The following USP28 variants were observed in gnomAD, a reference collection of about 807,000 sequenced individuals.
The protein encoded by USP28 is ubiquitin carboxyl-terminal hydrolase 28.
USP28 carries 113 observed loss-of-function variants against 145.0 expected under a neutral mutation model. That is an observed-to-expected ratio of 0.78 (90% CI 0.67 to 0.91). The LOEUF (loss-of-function observed/expected upper bound fraction) is 0.91, where lower values mean the gene tolerates loss of function less well. Among genes scored for constraint, USP28 ranks in the 40% least tolerant of loss-of-function variants. The pLI, the probability that USP28 is intolerant of heterozygous loss-of-function variation, is 0.00. For missense variants in USP28, 1,201 were observed against 1,289.6 expected, an observed-to-expected ratio of 0.93 and a Z score of 1.05; for synonymous variants, 447 against 450.9, an observed-to-expected ratio of 0.99 and a Z score of 0.11.
chr11:113,832,213 G>A (rs144510871), intron 7 of USP28, among the ~76,000 whole-genome samples: 3 of 152,140 alleles, frequency 2.0e-5, no homozygotes, highest in African/African-American at 4.8e-5. Flanking sequence ...AGATTCAAGC[G>A]ATTCTCCTGC....
chr11:113,832,742 G>C (rs1397948404), intron 7 of USP28, among the ~76,000 whole-genome samples: 2 of 151,684 alleles, frequency 1.3e-5, no homozygotes, highest in Non-Finnish European at 2.9e-5. Flanking sequence ...GGAAGAAGAT[G>C]ATCTAATTAG....
At chr11:113,865,219 T>A (rs766790106) in intron 1 of USP28, among the ~76,000 whole-genome samples, 1 of 152,168 alleles carries the variant, frequency 6.6e-6, no homozygotes, top group Non-Finnish European at 1.5e-5. Flanking sequence ...AAAATTCCAA[T>A]GGTCCTTTGT....
At chr11:113,848,583 A>G (rs896452282) in intron 3 of USP28, among the ~76,000 whole-genome samples, 1 of 152,234 alleles carries the variant, frequency 6.6e-6, no homozygotes, top group Non-Finnish European at 1.5e-5. Context: ...GGCTATACTT[A>G]GGAAAGTAAG....
chr11:113,860,750 C>T (rs1265387356), intron 1 of USP28, among the ~76,000 whole-genome samples: 9 of 146,636 alleles, frequency 6.1e-5, no homozygotes, highest in South Asian at 2.2e-4. Flanking sequence ...ACCTGGGAGG[C>T]GGAGCTTGAA....
rs1331416567 is a variant in USP28 at position 113,827,300 on chromosome 11, G to A, written c.1120C>T (p.Gln374Ter). ...ATTTTCTCTGGCTGCCCAAGGGACT[G>A]ATTAAACTCAAATCTTGAGAGTTCA... The change falls in exon 11 of 25, where the codon CAG becomes TAG. Residue 374 changes from glutamine to a stop codon, truncating the protein, a stop_gained. Transcript: ENST00000003302. LOFTEE classifies it high-confidence loss of function. 2 of 1,613,070 alleles carry A rather than the reference G, an allele frequency of 1.2e-6. No individual in the cohort carries two copies. Among genetic ancestry groups the A allele is most frequent in the Non-Finnish European group, 1.7e-6 (2 of 1,179,546 alleles).
intron 1 of USP28, chr11:113,874,427 A>G (rs1949165528): frequency 1.2e-5 from 10 of 815,570 alleles, no homozygotes; most frequent in East Asian, 7.4e-5. Flanking sequence ...TCTGTCGAAA[A>G]AAAAAAAAAA....
chr11:113,849,205 C>T (rs75816722), intron 3 of USP28, among the ~76,000 whole-genome samples: 18,094 of 152,090 alleles, frequency 0.12, 1,074 homozygotes, highest in Middle Eastern at 0.17. Flanking sequence ...AGCCTCTTTT[C>T]CCCTAGGACT....
Position 113,815,054 on chromosome 11 carries a change from C to T in USP28, c.1672+120G>A, listed in dbSNP as rs1011424666. The stretch of plus-strand genomic sequence containing the variant: ...GTGATAGAGTGAGACTCCATCTCGG[C>T]GGGGGGGAAATTCTGTAGCATGTAC... On this transcript the variant is annotated intron_variant, in intron 14 of 24. Transcript: ENST00000003302. The T allele has an allele frequency of 1.7e-4, 149 of 878,808 alleles. 1 individual carries two copies. Among genetic ancestry groups the T allele is most frequent in the South Asian group, 3.7e-4 (21 of 56,668 alleles). The allele number at this position is 878,808 out of a possible 1,614,324, so 54.4% of individuals were successfully genotyped here.
At chr11:113,817,608 T>TGG (rs748842249) in intron 13 of USP28, 50 bp downstream of exon 13, 5 of 1,586,696 alleles carry the variant, frequency 3.2e-6, no homozygotes, top group Non-Finnish European at 4.3e-6. Context: ...ATAGTTTAAA[T>TGG]TATACCAGAA....
intron 1 of USP28, among the ~76,000 whole-genome samples, chr11:113,873,964 A>T (rs1189721336): frequency 6.8e-6 from 1 of 146,928 alleles, no homozygotes; most frequent in African/African-American, 2.5e-5. Flanking sequence ...AACACAGTGA[A>T]ATCCCATCTC....
chr11:113,826,796 G>A, intron 11 of USP28, among the ~76,000 whole-genome samples: 1 of 151,666 alleles, frequency 6.6e-6, no homozygotes, highest in East Asian at 2.0e-4. Context: ...GTGCATGCCT[G>A]TAATTCCAGC....
At chr11:113,860,910 A>G (rs889715559) in intron 1 of USP28, among the ~76,000 whole-genome samples, 33 of 152,088 alleles carry the variant, frequency 2.2e-4, no homozygotes, top group African/African-American at 6.0e-4. Flanking sequence ...CGAGGTCAGG[A>G]GCCCGAGGCC....
intron 9 of USP28, among the ~76,000 whole-genome samples, chr11:113,830,556 T>C (rs1171511895): frequency 3.3e-5 from 5 of 152,246 alleles, no homozygotes; most frequent in Non-Finnish European, 1.5e-5. Flanking sequence ...TTAAGTATTA[T>C]ATTAGAATAA....
At chr11:113,799,112 T>C in exon 25 of USP28, 1 of 1,017,086 alleles carries the variant, frequency 9.8e-7, no homozygotes, top group Non-Finnish European at 1.4e-6. Context: ...ACATGCAGCA[T>C]GGTTGGGGTC....
chr11:113,860,563 G>A (rs560746787), intron 1 of USP28, among the ~76,000 whole-genome samples: 25 of 152,188 alleles, frequency 1.6e-4, no homozygotes, highest in African/African-American at 5.8e-4. Context: ...TGTGATCCCA[G>A]CACTTTGGAA....
intron 7 of USP28, among the ~76,000 whole-genome samples, chr11:113,832,707 T>G (rs1374092223): frequency 2.0e-5 from 3 of 152,072 alleles, no homozygotes; most frequent in Non-Finnish European, 4.4e-5. Flanking sequence ...GACCTTCAAA[T>G]AGAGAAAGAA....
intron 3 of USP28, among the ~76,000 whole-genome samples, chr11:113,842,312 G>T (rs1048920688): frequency 6.6e-6 from 1 of 151,972 alleles, no homozygotes; most frequent in Non-Finnish European, 1.5e-5. Context: ...TTGGCTGGGC[G>T]CAGTGGCTTA....
intron 12 of USP28, 64 bp from the exon 13 acceptor site, chr11:113,817,901 CA>C: frequency 6.5e-7 from 1 of 1,549,266 alleles, no homozygotes; most frequent in Non-Finnish European, 8.8e-7. Context: ...GAGTCGCTGA[CA>C]AAAGATCTGT....
intron 11 of USP28, among the ~76,000 whole-genome samples, 179 bp from the exon 12 acceptor site, chr11:113,823,879 G>C (rs1269237655): frequency 6.6e-6 from 1 of 152,066 alleles, no homozygotes; most frequent in Non-Finnish European, 1.5e-5. Flanking sequence ...TCAGGAACAA[G>C]GATACCCACT....
Sources: allele counts gnomAD v4.1 joint callset (sites outside exome capture counted in the v4.1 genomes callset), GRCh38; gene constraint gnomAD v4.1.1; transcripts MANE v1.5; gene names NCBI Gene and HGNC (gene_info 2026-07-23, HGNC 2026-07-21).